Variants in BICC1 observed in about 807,000 individuals in gnomAD.
BICC1 encodes the protein protein bicaudal C homolog 1.
Under a neutral mutation model 111.0 loss-of-function variants are expected in BICC1, and 43 were observed. The ratio of observed to expected loss-of-function variants is 0.39; its 90% CI spans 0.30 to 0.50. BICC1 has a LOEUF of 0.50. Ranked by LOEUF, BICC1 falls within the 20% of genes least tolerant of loss-of-function variation. The pLI, the probability that BICC1 is intolerant of heterozygous loss-of-function variation, is 0.88. For missense variants in BICC1, 1,091 were observed against 1,203.2 expected, an observed-to-expected ratio of 0.91 and a Z score of 1.38; for synonymous variants, 467 against 434.4, an observed-to-expected ratio of 1.07 and a Z score of -0.93.
chr10:58,819,158 G>A (rs941216955), intron 19 of BICC1, among the ~76,000 whole-genome samples: 5 of 152,110 alleles, frequency 3.3e-5, no homozygotes, highest in Non-Finnish European at 1.5e-5. Flanking sequence ...CTATAACAGC[G>A]TAGTTAAGTA....
chr10:58,641,873 G>T (rs1475200628), intron 2 of BICC1, among the ~76,000 whole-genome samples: 1 of 152,100 alleles, frequency 6.6e-6, no homozygotes, highest in South Asian at 2.1e-4. Context: ...AATTCACATT[G>T]TGATTCACAT....
At chr10:58,620,757 C>T in intron 1 of BICC1, 98 bp from the exon 2 acceptor site, 2 of 1,107,592 alleles carry the variant, frequency 1.8e-6, no homozygotes, top group South Asian at 1.4e-5. Flanking sequence ...GCAAGGCTGG[C>T]ATCTTGTTTG....
chr10:58,656,845 G>C (rs182064383), intron 2 of BICC1, among the ~76,000 whole-genome samples: 190 of 152,142 alleles, frequency 1.2e-3, no homozygotes, highest in African/African-American at 4.4e-3. Context: ...CTCTACCAGC[G>C]GAACTTCCGA....
At chr10:58,694,711 T>A (rs1840019027) in intron 2 of BICC1, among the ~76,000 whole-genome samples, 1 of 152,190 alleles carries the variant, frequency 6.6e-6, no homozygotes, top group Non-Finnish European at 1.5e-5. Context: ...ATTTCCCATA[T>A]GTGTTTGGGG....
intron 3 of BICC1, among the ~76,000 whole-genome samples, chr10:58,777,594 C>T (rs1842781148): frequency 6.6e-6 from 1 of 152,174 alleles, no homozygotes; most frequent in Admixed American, 6.5e-5. Flanking sequence ...ATGAGGGCAC[C>T]TGCTCCCCAA....
chr10:58,739,786 A>C (rs1415118334), intron 3 of BICC1, among the ~76,000 whole-genome samples: 1 of 152,164 alleles, frequency 6.6e-6, no homozygotes, highest in Non-Finnish European at 1.5e-5. Flanking sequence ...TCTGTTAGGA[A>C]ATAAAAAATA....
At chr10:58,752,239 G>A (rs537367140) in intron 3 of BICC1, among the ~76,000 whole-genome samples, 1 of 152,272 alleles carries the variant, frequency 6.6e-6, no homozygotes, top group South Asian at 2.1e-4. Flanking sequence ...TTGTGGAGTT[G>A]ACCTAAGTAT....
rs114845477 is a variant in BICC1, at chr10:58,622,398, T to C, written c.237+1497T>C. ...ATGGTGTATATGATCATAAAGGACT[T>C]TCATTCTTAGATTTCCTAATATTTC... On this transcript the variant is annotated intron_variant, in intron 2 of 20. Coordinates refer to ENST00000373886, the MANE Select transcript of BICC1 (RefSeq NM_001080512.3). Among the ~76,000 whole-genome samples the C allele has an allele frequency of 3.6e-3, 551 of 152,288 alleles. 1 individual carries two copies. Among genetic ancestry groups the C allele is most frequent in the African/African-American group, 0.012 (514 of 41,570 alleles).
At chr10:58,664,101 C>T (rs1481283821) in intron 2 of BICC1, among the ~76,000 whole-genome samples, 3 of 152,116 alleles carry the variant, frequency 2.0e-5, no homozygotes, top group Non-Finnish European at 4.4e-5. Flanking sequence ...ATTGTTGGCT[C>T]ATGTAAGTGT....
chr10:58,555,306 ATTTTTTTTTTTTTT>A (rs61692850), intron 1 of BICC1, among the ~76,000 whole-genome samples: 3 of 102,526 alleles, frequency 2.9e-5, no homozygotes, highest in South Asian at 3.3e-4. Context: ...GCTGTTGGAC[ATTTTTTTTTTTTTT>A]TTTTTTTTTT....
chr10:58,601,374 AT>A (rs1405894430), intron 1 of BICC1, among the ~76,000 whole-genome samples: 2 of 151,294 alleles, frequency 1.3e-5, no homozygotes, highest in Non-Finnish European at 1.5e-5. Flanking sequence ...TATCATAATC[AT>A]TTTTCCTTAT....
chr10:58,815,470 A>G (rs917387735), intron 18 of BICC1, among the ~76,000 whole-genome samples: 1 of 152,062 alleles, frequency 6.6e-6, no homozygotes, highest in Non-Finnish European at 1.5e-5. Flanking sequence ...CTAGCCCAAG[A>G]TACATTCATT....
chr10:58,703,199 C>CT (rs1183969159), intron 3 of BICC1, among the ~76,000 whole-genome samples: 1 of 146,472 alleles, frequency 6.8e-6, no homozygotes, highest in Non-Finnish European at 1.5e-5. Context: ...GGGTCTCACT[C>CT]TGTCACCCAG....
intron 1 of BICC1, among the ~76,000 whole-genome samples, chr10:58,608,939 C>A (rs543388900): frequency 1.3e-5 from 2 of 152,230 alleles, no homozygotes; most frequent in African/African-American, 4.8e-5. Context: ...CCTCTGTCAA[C>A]TTCCAGTTTT....
chr10:58,545,154 A>G (rs1843103757), intron 1 of BICC1, among the ~76,000 whole-genome samples: 1 of 152,170 alleles, frequency 6.6e-6, no homozygotes, highest in Non-Finnish European at 1.5e-5. Flanking sequence ...CAGCACTAGC[A>G]ACTAATACAA....
chr10:58,701,405 G>A (rs536990533), intron 2 of BICC1, among the ~76,000 whole-genome samples: 1 of 152,190 alleles, frequency 6.6e-6, no homozygotes, highest in East Asian at 1.9e-4. Flanking sequence ...CTGGGCAGTC[G>A]TTGCTTCCCT....
chr10:58,742,459 A>AT (rs1841699832), intron 3 of BICC1, among the ~76,000 whole-genome samples: 1 of 105,116 alleles, frequency 9.5e-6, no homozygotes. Flanking sequence ...TTTTTTTGAG[A>AT]TGGAATCTCA....
At chr10:58,635,975 G>A (rs1467519548) in intron 2 of BICC1, among the ~76,000 whole-genome samples, 1 of 152,082 alleles carries the variant, frequency 6.6e-6, no homozygotes, top group Admixed American at 6.6e-5. Context: ...CACTTTGTTT[G>A]GATTTTCTTA....
At chr10:58,718,520 T>C (rs1840820775) in intron 3 of BICC1, among the ~76,000 whole-genome samples, 1 of 152,234 alleles carries the variant, frequency 6.6e-6, no homozygotes, top group South Asian at 2.1e-4. Flanking sequence ...TTTTTTCTAT[T>C]GTTTGTCTTG....
Sources: allele counts gnomAD v4.1 joint callset (sites outside exome capture counted in the v4.1 genomes callset), GRCh38; gene constraint gnomAD v4.1.1; transcripts MANE v1.5; gene names NCBI Gene and HGNC (gene_info 2026-07-23, HGNC 2026-07-21).